Variants in PPP2R5B observed in about 807,000 individuals in gnomAD.
The protein encoded by PPP2R5B is serine/threonine-protein phosphatase 2A 56 kDa regulatory subunit beta isoform.
Under a neutral mutation model 59.9 loss-of-function variants are expected in PPP2R5B, and 19 were observed. That is an observed-to-expected ratio of 0.32 (90% CI 0.22 to 0.47). The LOEUF is 0.47. PPP2R5B is among the 20% of genes least tolerant of loss of function. PPP2R5B has a pLI of 1.00. For missense variants in PPP2R5B, 441 were observed against 640.2 expected, an observed-to-expected ratio of 0.69 and a Z score of 3.36; for synonymous variants, 286 against 260.5, an observed-to-expected ratio of 1.10 and a Z score of -0.94.
At chr11:64,919,691 G>A (rs1270566782), upstream of PPP2R5B, among the ~76,000 whole-genome samples, 1 of 152,074 alleles carries the variant, frequency 6.6e-6, no homozygotes, top group Middle Eastern at 3.2e-3. Flanking sequence ...CTGCACTCCG[G>A]CCTCGGTGAC....
Position 64,927,880 on chromosome 11 carries a change from G to A in PPP2R5B, c.475G>A (p.Glu159Lys). Residue 159 changes from glutamate to lysine, a missense_variant, in exon 4 of 14, where the codon GAG becomes AAG. Physicochemically the swap from Glu to Lys is moderately conservative, Grantham distance 56. Transcript: ENST00000164133. ...CCCTGAAGAGGATGAGCCCAATCTT[G>A]AGCCTTCGTGGCCACACCTGCAGGT... ...FDPEEDEPNL[E>K]PSWPHLQLVY... 2 of 1,610,920 alleles carry A rather than the reference G, an allele frequency of 1.2e-6. No homozygotes were observed. The highest frequency in any genetic ancestry group is 1.7e-6 in the Non-Finnish European group (2 of 1,177,180).
chr11:64,926,669 G>C (rs1261171808), intron 2 of PPP2R5B, 43 bp from the exon 3 acceptor site: 2 of 1,602,968 alleles, frequency 1.2e-6, no homozygotes, highest in Non-Finnish European at 1.7e-6. Context: ...TGGGGCAGCT[G>C]GGGGAGCTGG....
At chr11:64,927,435 C>G (rs1225053098) in intron 3 of PPP2R5B, among the ~76,000 whole-genome samples, 2 of 152,130 alleles carry the variant, frequency 1.3e-5, no homozygotes, top group Non-Finnish European at 2.9e-5. Flanking sequence ...GAATGAGGGC[C>G]GGGAGCAGCA....
intron 3 of PPP2R5B, 84 bp from the exon 4 acceptor site, chr11:64,927,713 GAAAAA>G: frequency 2.4e-6 from 2 of 845,010 alleles, no homozygotes; most frequent in Non-Finnish European, 1.8e-6. Context: ...TCTTGGGAAA[GAAAAA>G]AAAAAAAAAA....
At position 64,928,809 on chromosome 11, in the gene PPP2R5B, G is replaced by A. The variant is rs573298514; in HGVS notation, c.722+384G>A. On this transcript the variant is annotated intron_variant, in intron 6 of 13. Transcript: ENST00000164133. The stretch of plus-strand genomic sequence containing the variant: ...TGAGGCAGGAGAATGGCGTGAACCC[G>A]GGAAGCGGAGCTTGCAGTGAGCCGA... 2.4e-3 allele frequency among the ~76,000 whole-genome samples: 359 copies of A among 152,264 alleles called. 1 individual carries two copies. The highest frequency in any genetic ancestry group is 8.0e-3 in the African/African-American group (332 of 41,566).
chr11:64,930,481 C>T lies in PPP2R5B; in HGVS notation c.783C>T (p.Ser261=), dbSNP rs144744216. 6.2e-7 allele frequency: 1 copy of T among 1,614,134 alleles called. No individual in the cohort carries two copies. Among genetic ancestry groups the T allele is most frequent in the Non-Finnish European group, 8.5e-7 (1 of 1,179,980 alleles). Residue 261 remains serine (S), a splice_region_variant and synonymous_variant, in exon 8 of 14, where the codon AGC becomes AGT. Transcript: ENST00000164133. ...TTCCTCTCTTCTGCCTCCTCCTCAG[C>T]ATCATCAATGGCTTTGCGCTGCCCC... ...GVAELLEILG[S]IINGFALPLK...
upstream of PPP2R5B, chr11:64,923,182 A>G (rs1394816605): frequency 6.6e-6 from 1 of 152,286 alleles, no homozygotes; most frequent in Non-Finnish European, 1.5e-5. Context: ...CCTTGAGACC[A>G]GGGCACTGGT....
At chr11:64,926,254 C>T (rs987980872) in intron 2 of PPP2R5B, among the ~76,000 whole-genome samples, 3 of 152,222 alleles carry the variant, frequency 2.0e-5, no homozygotes, top group East Asian at 3.8e-4. Flanking sequence ...CTGGAGCAGG[C>T]GCTTGGCAGG....
chr11:64,929,977 C>T (rs1056010769), intron 6 of PPP2R5B, among the ~76,000 whole-genome samples: 1 of 152,186 alleles, frequency 6.6e-6, no homozygotes, highest in African/African-American at 2.4e-5. Flanking sequence ...ATTTCTTCAT[C>T]CATGTGATGG....
chr11:64,932,990 G>T, intron 12 of PPP2R5B, 98 bp downstream of exon 12: 1 of 1,554,404 alleles, frequency 6.4e-7, no homozygotes, highest in Non-Finnish European at 8.8e-7. Context: ...GAATATCAGA[G>T]AAAGCATCAA....
At position 64,930,397 on chromosome 11, in the gene PPP2R5B, C is replaced by A; in HGVS notation, c.782+16C>A. The A allele has an allele frequency of 6.2e-7, 1 of 1,613,976 alleles. No homozygotes were observed. Among genetic ancestry groups the A allele is most frequent in the Non-Finnish European group, 8.5e-7 (1 of 1,179,886 alleles). ...TCCTAGGAAGGTGATTCTCCCTGGG[C>A]CTCAGCTGGAGCTCAGGATTCTGGA... On this transcript the variant is annotated intron_variant, in intron 7 of 13. Coordinates refer to ENST00000164133, the MANE Select transcript of PPP2R5B (RefSeq NM_006244.4).
At position 64,925,739 on chromosome 11, in the gene PPP2R5B, A is replaced by C; in HGVS notation, c.5A>C (p.Glu2Ala). 2 of 1,587,448 alleles carry C rather than the reference A, an allele frequency of 1.3e-6. No individual in the cohort carries two copies. Among genetic ancestry groups the C allele is most frequent in the Non-Finnish European group, 1.7e-6 (2 of 1,163,204 alleles). METKLPPASTPT... is the reference protein window; with the variant it reads MATKLPPASTPT... ...TTGCCCTGCCGCCTGACCGCCATGGAGACGAAGCTGCCCCCTGCAAGCACC... is the reference window on the plus strand; with the variant it reads ...TTGCCCTGCCGCCTGACCGCCATGGCGACGAAGCTGCCCCCTGCAAGCACC... Residue 2 changes from glutamate to alanine, a missense_variant, in exon 2 of 14, where the codon GAG becomes GCG. By Grantham distance (107) the Glu-to-Ala change is moderately radical. This residue lies in a region of PPP2R5B where 103 missense variants were observed against 87.9 expected (regional missense o/e 1.17). Transcript: ENST00000164133. The surrounding 1 kb of genome is among the most constrained non-coding windows in gnomAD (Gnocchi z 4.6).
upstream of PPP2R5B, among the ~76,000 whole-genome samples, chr11:64,922,120 G>A (rs1945114471): frequency 6.6e-6 from 1 of 151,910 alleles, no homozygotes; most frequent in African/African-American, 2.4e-5. Context: ...GCTGAGGTGG[G>A]AGGATTGCTT....
chr11:64,930,621 G>A, intron 8 of PPP2R5B, 32 bp downstream of exon 8: 2 of 1,585,554 alleles, frequency 1.3e-6, no homozygotes, highest in Non-Finnish European at 1.7e-6. Flanking sequence ...GCTGCAGCAG[G>A]AGCTCCAGAC....
chr11:64,926,541 G>A lies in PPP2R5B; in HGVS notation c.200-171G>A, dbSNP rs188307030. On this transcript the variant is annotated intron_variant, in intron 2 of 13. Transcript: ENST00000164133. ...AAAGCAACCCTCAACCCCCAGGAAT[G>A]GAGGAAGGGACAGTAGTTGTTTGCT... Among the ~76,000 whole-genome samples, 164 of 152,368 alleles carry A rather than the reference G, an allele frequency of 1.1e-3. 3 individuals carry two copies. The South Asian group carries it at 0.023, about 21-fold the overall frequency.
At chr11:64,922,640 C>T (rs1052067701), upstream of PPP2R5B, among the ~76,000 whole-genome samples, 4 of 152,026 alleles carry the variant, frequency 2.6e-5, no homozygotes, top group African/African-American at 7.2e-5. Flanking sequence ...TTTGGGAGGC[C>T]GAGGTGGGCG....
Position 64,925,623 on chromosome 11 carries a change from C to CAT in PPP2R5B, c.-112_-111insAT, listed in dbSNP as rs1488367048. ...CCAGGACTGTGGTTGTGCCCCCCCC[C>CAT]CAAAGGCCGGACAGGATGGGACCAA... On this transcript the variant is annotated 5_prime_UTR_variant, in exon 2 of 14. Coordinates refer to ENST00000164133, the MANE Select transcript of PPP2R5B (RefSeq NM_006244.4). This position sits in a 1 kb window ranked among gnomAD's most constrained non-coding sequence, Gnocchi z 4.6. The CAT allele has an allele frequency of 1.8e-6, 1 of 566,134 alleles. No individual in the cohort carries two copies. The highest frequency in any genetic ancestry group is 3.1e-6 in the Non-Finnish European group (1 of 321,540). 35.1% of individuals were successfully genotyped at this position (566,134 alleles called of 1,614,324 possible).
rs189895103 is a variant in PPP2R5B, at chr11:64,928,813, A to C, written c.722+388A>C. Among the ~76,000 whole-genome samples, 183 of 152,214 alleles carry C rather than the reference A, an allele frequency of 1.2e-3. 2 individuals are homozygous for C. In the East Asian group the frequency reaches 0.033, roughly 28 times the overall value. ...GCAGGAGAATGGCGTGAACCCGGGA[A>C]GCGGAGCTTGCAGTGAGCCGAGACT... is the stretch of plus-strand genomic sequence containing the variant. On this transcript the variant is annotated intron_variant, in intron 6 of 13. Transcript: ENST00000164133.
In PPP2R5B at chr11:64,928,110, C is replaced by T; in HGVS notation, c.543C>T (p.Phe181=). The T allele has an allele frequency of 6.2e-7, 1 of 1,614,214 alleles. No homozygotes were observed. The highest frequency in any genetic ancestry group is 1.1e-5 in the South Asian group (1 of 91,086). ...TGCGTTTCTTGGAGAGCCCAGACTT[C>T]CAGCCCTCCGTGGCCAAGAGATATG... is the stretch of plus-strand genomic sequence containing the variant. ...FFLRFLESPD[F]QPSVAKRYVD... The change falls in exon 5 of 14, where the codon TTC becomes TTT. Residue 181 remains phenylalanine, a synonymous_variant. Coordinates refer to ENST00000164133, the MANE Select transcript of PPP2R5B (RefSeq NM_006244.4).
Sources: allele counts gnomAD v4.1 joint callset (sites outside exome capture counted in the v4.1 genomes callset), GRCh38; gene constraint gnomAD v4.1.1; regional missense constraint gnomAD v4.1.1; non-coding constraint Gnocchi (gnomAD v3.1); transcripts MANE v1.5; gene names NCBI Gene and HGNC (gene_info 2026-07-23, HGNC 2026-07-21).